CCDC18: variants seen among roughly 807,000 people sequenced by gnomAD.
CCDC18 encodes the protein coiled-coil domain-containing protein 18.
Under a neutral mutation model 196.0 loss-of-function variants are expected in CCDC18, and 157 were observed. That is an observed-to-expected ratio of 0.80 (90% CI 0.70 to 0.91). CCDC18 has a LOEUF of 0.91. Ranked by LOEUF, CCDC18 falls within the 40% of genes least tolerant of loss-of-function variation. The pLI, the probability that CCDC18 is intolerant of heterozygous loss-of-function variation, is 0.00. For missense variants in CCDC18, 1,465 were observed against 1,611.6 expected (o/e 0.91, Z 1.56); for synonymous variants, 482 against 529.2 (o/e 0.91, Z 1.22).
At chr1:93,180,035 G>T, upstream of CCDC18, 2 of 1,608,246 alleles carry the variant, frequency 1.2e-6, no homozygotes, top group Non-Finnish European at 1.7e-6. Context: ...AAGGAGGCTG[G>T]TTTATCCTCC....
chr1:93,278,131 C>T (rs901989061), intron 28 of CCDC18, among the ~76,000 whole-genome samples: 1 of 152,046 alleles, frequency 6.6e-6, no homozygotes, highest in East Asian at 1.9e-4. Context: ...GGATTACAGA[C>T]GCTCGCCACC....
chr1:93,230,541 A>G (rs528669357), intron 17 of CCDC18, among the ~76,000 whole-genome samples: 1 of 152,130 alleles, frequency 6.6e-6, no homozygotes, highest in Non-Finnish European at 1.5e-5. Context: ...GGTCAGTACA[A>G]TGAAATGTCA....
intron 8 of CCDC18, 65 bp downstream of exon 8, chr1:93,205,696 AAC>A (rs1654602227): frequency 7.9e-6 from 11 of 1,383,654 alleles, no homozygotes; most frequent in Non-Finnish European, 9.0e-6. Flanking sequence ...AACACTTTAA[AAC>A]ACAATATTTT....
chr1:93,240,853 A>G (rs1021342105), intron 21 of CCDC18, among the ~76,000 whole-genome samples: 5 of 152,182 alleles, frequency 3.3e-5, no homozygotes, highest in African/African-American at 1.2e-4. Flanking sequence ...CTCCTAACTC[A>G]GTATCATGCA....
intron 17 of CCDC18, among the ~76,000 whole-genome samples, chr1:93,227,971 A>T (rs12566191): frequency 0.065 from 8,080 of 124,934 alleles, 390 homozygotes; most frequent in East Asian, 0.17. Flanking sequence ...AAAAAAAAAA[A>T]ATATATATAT....
At chr1:93,246,293 G>A (rs548152769) in intron 22 of CCDC18, 89 bp downstream of exon 22, 5 of 786,172 alleles carry the variant, frequency 6.4e-6, no homozygotes, top group South Asian at 2.1e-5. Flanking sequence ...TTTGTAAAAT[G>A]GGCATTTTTA....
chr1:93,232,632 A>C, intron 18 of CCDC18, 39 bp downstream of exon 18: 1 of 1,424,678 alleles, frequency 7.0e-7, no homozygotes, highest in Non-Finnish European at 9.6e-7. Flanking sequence ...ATTTGTATGA[A>C]ATAGAAATTT....
At chr1:93,202,606 G>A (rs576455558) in intron 7 of CCDC18, among the ~76,000 whole-genome samples, 1 of 152,272 alleles carries the variant, frequency 6.6e-6, no homozygotes, top group East Asian at 1.9e-4. Context: ...TGAAAGCAGA[G>A]GAAGTTTATG....
At chr1:93,185,691 C>G (rs1650541136) in intron 3 of CCDC18, among the ~76,000 whole-genome samples, 1 of 151,858 alleles carries the variant, frequency 6.6e-6, no homozygotes, top group Non-Finnish European at 1.5e-5. Flanking sequence ...TACCAGAAGA[C>G]TAAACAAGAA....
intron 17 of CCDC18, among the ~76,000 whole-genome samples, chr1:93,227,967 A>ATATATATATATATATATAT (rs1176767918): frequency 1.8e-5 from 2 of 108,714 alleles, no homozygotes; most frequent in East Asian, 2.3e-4. Flanking sequence ...CAAAAAAAAA[A>ATATATATATATATATATAT]AAAAATATAT....
rs1160465290 is a variant in CCDC18 at position 93,226,312 on chromosome 1, T to TGC, written c.2176-21_2176-20insGC. The TGC allele has an allele frequency of 3.2e-6, 3 of 933,258 alleles. No homozygotes were observed. The African/African-American group carries it at 5.1e-5, about 16-fold the overall frequency. 57.8% of individuals were successfully genotyped at this position (933,258 alleles called of 1,614,324 possible). On this transcript the variant is annotated intron_variant, in intron 16 of 28. Coordinates refer to ENST00000690025, the MANE Select transcript of CCDC18 (RefSeq NM_001378204.1). ...TATCGTTTTGTGTTTTTTTTTTTTTTTTGCTTTTTTTCCTGCTTAGGTTAG... is the reference window on the plus strand; with the variant it reads ...TATCGTTTTGTGTTTTTTTTTTTTTTGCTTGCTTTTTTTCCTGCTTAGGTTAG...
intron 16 of CCDC18, among the ~76,000 whole-genome samples, chr1:93,222,341 T>C (rs1254504123): frequency 6.6e-6 from 1 of 152,118 alleles, no homozygotes; most frequent in Non-Finnish European, 1.5e-5. Context: ...CTAGCCTCTT[T>C]TTGTCTTAAA....
intron 17 of CCDC18, 151 bp from the exon 18 acceptor site, chr1:93,232,275 C>A (rs1030318373): frequency 4.6e-5 from 23 of 496,754 alleles, no homozygotes; most frequent in Non-Finnish European, 7.2e-5. Flanking sequence ...AAAATGAATA[C>A]TGTCCTTCCA....
Position 93,264,919 on chromosome 1 carries a change from A to C in CCDC18, c.3885+18A>C. The C allele has an allele frequency of 6.6e-7, 1 of 1,504,124 alleles. No individual in the cohort carries two copies. The highest frequency in any genetic ancestry group is 9.3e-7 in the Non-Finnish European group (1 of 1,080,810). 93.2% of individuals were successfully genotyped at this position (1,504,124 alleles called of 1,614,324 possible). ...TTACTAAAGTAAGTAAACATATAAA[A>C]GTAATAAAGCATATCTATGAAAACA... On this transcript the variant is annotated intron_variant, in intron 27 of 28. Coordinates refer to ENST00000690025, the MANE Select transcript of CCDC18 (RefSeq NM_001378204.1).
intron 14 of CCDC18, 99 bp downstream of exon 14, chr1:93,217,968 A>C: frequency 1.0e-6 from 1 of 999,596 alleles, no homozygotes; most frequent in Non-Finnish European, 1.5e-6. Context: ...AAAGATACAC[A>C]AAAGTTAGTG....
At position 93,258,743 on chromosome 1, in the gene CCDC18, T is replaced by C; in HGVS notation, c.3547-5T>C. On this transcript the variant is annotated splice_polypyrimidine_tract_variant and splice_region_variant and intron_variant, in intron 25 of 28. Coordinates refer to ENST00000690025, the MANE Select transcript of CCDC18 (RefSeq NM_001378204.1). ...ATAGCTTTTACTCAATATGTCATTT[T>C]TAAGGATGCTCATGGAAACCATTTA... 6.5e-7 allele frequency: 1 copy of C among 1,537,028 alleles called. No individual in the cohort carries two copies. Among genetic ancestry groups the C allele is most frequent in the Non-Finnish European group, 8.7e-7 (1 of 1,145,376 alleles).
At chr1:93,226,899 ATTTTC>A (rs1445022992) in intron 17 of CCDC18, among the ~76,000 whole-genome samples, 1 of 152,118 alleles carries the variant, frequency 6.6e-6, no homozygotes, top group Non-Finnish European at 1.5e-5. Context: ...TTCCAATTTT[ATTTTC>A]TTTAAAGAGC....
chr1:93,183,644 G>A (rs1650129197), intron 2 of CCDC18, 149 bp downstream of exon 2: 6 of 562,492 alleles, frequency 1.1e-5, no homozygotes, highest in Non-Finnish European at 1.7e-5. Flanking sequence ...TTCAGTTTAG[G>A]GAAAAATAAG....
chr1:93,181,031 A>T, intron 1 of CCDC18, 179 bp downstream of exon 1: 1 of 583,522 alleles, frequency 1.7e-6, no homozygotes, highest in South Asian at 1.6e-5. Flanking sequence ...GATGAAAAAT[A>T]GGAGGCCGGG....
Sources: allele counts gnomAD v4.1 joint callset (sites outside exome capture counted in the v4.1 genomes callset), GRCh38; gene constraint gnomAD v4.1.1; transcripts MANE v1.5; gene names NCBI Gene and HGNC (gene_info 2026-07-23, HGNC 2026-07-21).